TENM4: variants seen among roughly 807,000 people sequenced by gnomAD.
TENM4 encodes the protein teneurin-4.
In TENM4, 82 loss-of-function variants were observed where a neutral mutation model predicts 243.3. The ratio of observed to expected loss-of-function variants is 0.34; its 90% CI spans 0.28 to 0.40. The LOEUF is 0.40. TENM4 is among the 10% of genes least tolerant of loss of function. The pLI is 1.00. For synonymous variants in TENM4, 1,412 were observed against 1,456.3 expected (o/e 0.97, Z 0.69); for missense variants, 3,138 against 3,673.3 (o/e 0.85, Z 3.77).
At chr11:79,207,087 G>A (rs1253760896) in intron 3 of TENM4, among the ~76,000 whole-genome samples, 3 of 152,162 alleles carry the variant, frequency 2.0e-5, no homozygotes, top group Admixed American at 6.5e-5. Context: ...AGAGACTATC[G>A]GCTGTGGGAC....
chr11:79,005,041 A>G (rs1047670682), intron 6 of TENM4, among the ~76,000 whole-genome samples: 4 of 151,996 alleles, frequency 2.6e-5, no homozygotes, highest in African/African-American at 9.7e-5. Context: ...CAAAACATAC[A>G]ATGTCCCCAG....
intron 2 of TENM4, among the ~76,000 whole-genome samples, chr11:79,261,272 G>A (rs1386617676): frequency 6.6e-6 from 1 of 152,158 alleles, no homozygotes; most frequent in Non-Finnish European, 1.5e-5. Flanking sequence ...AGCTGAACTA[G>A]CAGGGTAGCC....
At chr11:79,119,018 C>A (rs923612542) in intron 4 of TENM4, among the ~76,000 whole-genome samples, 4 of 152,110 alleles carry the variant, frequency 2.6e-5, no homozygotes, top group Non-Finnish European at 4.4e-5. Flanking sequence ...TTACCTAATC[C>A]ATTTTTAAAG....
chr11:78,766,770 TC>T (rs1261845674), intron 18 of TENM4, among the ~76,000 whole-genome samples: 5 of 149,754 alleles, frequency 3.3e-5, no homozygotes, highest in Admixed American at 2.7e-4. Flanking sequence ...AGGCACAATC[TC>T]AGCTCACTGA....
chr11:78,995,847 T>A (rs1395782634), intron 6 of TENM4, among the ~76,000 whole-genome samples: 1 of 152,148 alleles, frequency 6.6e-6, no homozygotes, highest in Non-Finnish European at 1.5e-5. Context: ...CTTGCATCGA[T>A]CACTTAAGCT....
intron 4 of TENM4, among the ~76,000 whole-genome samples, chr11:79,110,417 G>A (rs1452258411): frequency 2.6e-5 from 4 of 152,194 alleles, no homozygotes; most frequent in South Asian, 2.1e-4. Context: ...GACTCACAGC[G>A]CCCTGGGCAC....
rs1223869980 is a variant in TENM4, at chr11:78,702,929, TATG to T, written c.4210-529_4210-527del. ...AGAAAGATTCTTCATACATGGTTGATATGATACATGTATGATTTCTCAATTCTT... is the reference window on the plus strand; with the variant it reads ...AGAAAGATTCTTCATACATGGTTGATATACATGTATGATTTCTCAATTCTT... On this transcript the variant is annotated intron_variant, in intron 27 of 33. Transcript: ENST00000278550. 2.0e-5 allele frequency among the ~76,000 whole-genome samples: 3 copies of T among 152,096 alleles called. No individual in the cohort carries two copies. The East Asian group carries it at 5.8e-4, about 29-fold the overall frequency.
chr11:79,133,891 T>C (rs1431202585), intron 4 of TENM4, among the ~76,000 whole-genome samples: 1 of 152,006 alleles, frequency 6.6e-6, no homozygotes, highest in African/African-American at 2.4e-5. Flanking sequence ...GACAACATAA[T>C]ATTGAATAGG....
chr11:79,417,946 T>C (rs1016474060), intron 1 of TENM4, among the ~76,000 whole-genome samples: 1 of 152,186 alleles, frequency 6.6e-6, no homozygotes, highest in Non-Finnish European at 1.5e-5. Flanking sequence ...CAGGCAGATC[T>C]TGTCACTCTT....
chr11:79,348,764 A>G (rs1306413939), intron 1 of TENM4, among the ~76,000 whole-genome samples: 1 of 152,144 alleles, frequency 6.6e-6, no homozygotes, highest in Non-Finnish European at 1.5e-5. Flanking sequence ...TAAGCCACCC[A>G]ATTTATGGTA....
intron 15 of TENM4, among the ~76,000 whole-genome samples, chr11:78,789,383 T>C (rs1355385283): frequency 6.6e-6 from 1 of 152,196 alleles, no homozygotes; most frequent in Non-Finnish European, 1.5e-5. Context: ...CTTGCTCACA[T>C]AGACAAACAC....
intron 6 of TENM4, among the ~76,000 whole-genome samples, chr11:78,943,285 C>T (rs1335085371): frequency 6.6e-6 from 1 of 152,174 alleles, no homozygotes; most frequent in African/African-American, 2.4e-5. Context: ...GAAGTATGTT[C>T]TGAAGCTTGA....
intron 9 of TENM4, among the ~76,000 whole-genome samples, chr11:78,880,457 T>TAAAAACAAAAAAAAAAAAAAAAAA (rs1859402432): frequency 9.6e-6 from 1 of 104,646 alleles, no homozygotes; most frequent in African/African-American, 6.8e-5. Context: ...CAATAAATAC[T>TAAAAACAAAAAAAAAAAAAAAAAA]AAAAAAAAAA....
intron 3 of TENM4, among the ~76,000 whole-genome samples, chr11:79,197,722 G>A (rs1863658762): frequency 6.6e-6 from 1 of 152,180 alleles, no homozygotes; most frequent in African/African-American, 2.4e-5. Flanking sequence ...CAATTTTGGA[G>A]CCATTTAAAA....
chr11:79,246,102 C>T (rs1855511131), intron 2 of TENM4, among the ~76,000 whole-genome samples: 1 of 151,982 alleles, frequency 6.6e-6, no homozygotes, highest in African/African-American at 2.4e-5. Flanking sequence ...AGGATATATG[C>T]ACTGAAAGGG....
chr11:79,009,150 TC>T (rs1858576816), intron 6 of TENM4, among the ~76,000 whole-genome samples: 1 of 152,184 alleles, frequency 6.6e-6, no homozygotes, highest in Non-Finnish European at 1.5e-5. Flanking sequence ...AATTTGTTAT[TC>T]CTGGAAAACT....
At chr11:79,403,827 G>A (rs2135560125) in intron 1 of TENM4, among the ~76,000 whole-genome samples, 1 of 152,236 alleles carries the variant, frequency 6.6e-6, no homozygotes, top group East Asian at 1.9e-4. Flanking sequence ...GGGGTGGTGG[G>A]GGTGGTTCAC....
intron 19 of TENM4, among the ~76,000 whole-genome samples, chr11:78,744,235 A>G (rs767135110): frequency 7.2e-5 from 11 of 152,258 alleles, no homozygotes; most frequent in Non-Finnish European, 1.6e-4. Context: ...CCATCTTTCA[A>G]GCCCAGCCAC....
rs766277653 is a variant in TENM4, at chr11:78,889,932, G to A, written c.937C>T (p.Pro313Ser). The change falls in exon 9 of 34, where the codon CCT becomes TCT. Residue 313 changes from proline (P) to serine (S), a missense_variant. Physicochemically the swap from Pro to Ser is moderately conservative, Grantham distance 74. Around this residue, in one of 2 missense-constraint regions of TENM4, gnomAD observed 671 missense variants for 614.1 expected, o/e 1.09. Transcript: ENST00000278550. ...CTGCGGGGCAGGGGTCGGGGCGGAG[G>A]AGAGTACACTGTGCTGGACGTCAGT... ...YPLTSSTVYS[P>S]PPRPLPRSTF... 6.4e-7 allele frequency: 1 copy of A among 1,551,736 alleles called. No individual in the cohort carries two copies. Among genetic ancestry groups the A allele is most frequent in the East Asian group, 2.4e-5 (1 of 40,912 alleles).
Sources: gnomAD v4.1 joint callset for allele counts (sites outside exome capture counted in the v4.1 genomes callset) on GRCh38, gnomAD v4.1.1 for gene constraint, gnomAD v4.1.1 regional missense constraint, MANE v1.5 for transcripts, NCBI Gene and HGNC (gene_info 2026-07-23, HGNC 2026-07-21) for gene names.